Variants in TBXAS1 observed in about 807,000 individuals in gnomAD.
TBXAS1 encodes thromboxane A synthase 1.
In TBXAS1, 48 loss-of-function variants were observed where a neutral mutation model predicts 60.7. The observed-to-expected ratio is 0.79, with a 90% confidence interval of 0.63 to 1.01. The LOEUF (loss-of-function observed/expected upper bound fraction) is 1.01. TBXAS1 is among the 50% of genes least tolerant of loss of function. The pLI is 0.00. For missense variants in TBXAS1, 685 were observed against 686.3 expected (o/e 1.00, Z 0.02); for synonymous variants, 287 against 269.7 (o/e 1.06, Z -0.63).
At chr7:139,784,168 C>T (rs1797101766) in intron 3 of TBXAS1, among the ~76,000 whole-genome samples, 1 of 151,022 alleles carries the variant, frequency 6.6e-6, no homozygotes, top group African/African-American at 2.4e-5. Flanking sequence ...TCCCTCCCTC[C>T]CTCCCTTCTT....
At chr7:139,818,338 A>G (rs1027411489) in intron 4 of TBXAS1, among the ~76,000 whole-genome samples, 1 of 152,134 alleles carries the variant, frequency 6.6e-6, no homozygotes, top group African/African-American at 2.4e-5. Context: ...CAGTACAGAG[A>G]CCACCAGTAC....
intron 4 of TBXAS1, among the ~76,000 whole-genome samples, chr7:139,821,920 C>T (rs950028478): frequency 1.3e-5 from 2 of 152,198 alleles, no homozygotes; most frequent in African/African-American, 2.4e-5. Context: ...TGCTGTACGT[C>T]GTTTCCTGCT....
At chr7:139,915,345 T>C (rs1298013514) in intron 4 of TBXAS1, among the ~76,000 whole-genome samples, 1 of 152,206 alleles carries the variant, frequency 6.6e-6, no homozygotes, top group African/African-American at 2.4e-5. Flanking sequence ...TTCCCTCTAA[T>C]AGGCCATGTT....
chr7:139,920,375 TCTC>T (rs539478237), intron 4 of TBXAS1, among the ~76,000 whole-genome samples: 3 of 152,136 alleles, frequency 2.0e-5, no homozygotes, highest in African/African-American at 4.8e-5. Flanking sequence ...CTGCTCACCT[TCTC>T]CTTCCTGCCT....
chr7:139,945,948 G>A (rs1163531618), intron 5 of TBXAS1, among the ~76,000 whole-genome samples: 1 of 152,212 alleles, frequency 6.6e-6, no homozygotes, highest in African/African-American at 2.4e-5. Context: ...ATTCGTAATG[G>A]ACTTTGGAAG....
At chr7:139,935,033 C>T (rs935026742) in intron 4 of TBXAS1, among the ~76,000 whole-genome samples, 3 of 152,150 alleles carry the variant, frequency 2.0e-5, no homozygotes, top group African/African-American at 7.2e-5. Context: ...AGGCTGGTCT[C>T]GAACTCCTGA....
chr7:139,925,162 T>G (rs1240177372), intron 4 of TBXAS1, among the ~76,000 whole-genome samples: 1 of 152,214 alleles, frequency 6.6e-6, no homozygotes, highest in African/African-American at 2.4e-5. Flanking sequence ...TCCATACATA[T>G]TTTAGGATTG....
At chr7:139,909,964 C>A (rs1046158310) in intron 3 of TBXAS1, among the ~76,000 whole-genome samples, 3 of 152,166 alleles carry the variant, frequency 2.0e-5, no homozygotes, top group African/African-American at 7.2e-5. Flanking sequence ...CTAGCTGATT[C>A]CTCCAGCCAG....
At chr7:139,972,590 C>T (rs1272357115) in intron 9 of TBXAS1, among the ~76,000 whole-genome samples, 5 of 152,086 alleles carry the variant, frequency 3.3e-5, no homozygotes, top group Admixed American at 6.5e-5. Flanking sequence ...TGACCAAAGT[C>T]GCTTTCACAC....
chr7:139,829,259 G>A (rs1392521367), upstream of TBXAS1: 3 of 775,652 alleles, frequency 3.9e-6, no homozygotes, highest in Admixed American at 6.0e-5. Flanking sequence ...ACATTGTGGG[G>A]GCCCACTCCA....
At chr7:139,937,065 T>G (rs553268610) in intron 5 of TBXAS1, among the ~76,000 whole-genome samples, 1 of 152,290 alleles carries the variant, frequency 6.6e-6, no homozygotes, top group African/African-American at 2.4e-5. Flanking sequence ...ACACAACAGA[T>G]CCTGACTGCT....
intron 4 of TBXAS1, among the ~76,000 whole-genome samples, chr7:139,807,081 G>A (rs1277019212): frequency 1.3e-5 from 2 of 152,218 alleles, no homozygotes; most frequent in Non-Finnish European, 2.9e-5. Flanking sequence ...CCACTCTGCA[G>A]TCCAACTGCC....
At chr7:139,906,006 A>T in intron 3 of TBXAS1, 1 of 219,914 alleles carries the variant, frequency 4.5e-6, no homozygotes, top group Non-Finnish European at 9.6e-6. Context: ...GTCCATTTTG[A>T]GTTCATTTTT....
intron 9 of TBXAS1, among the ~76,000 whole-genome samples, chr7:139,996,704 T>C (rs1355199582): frequency 6.6e-6 from 1 of 152,238 alleles, no homozygotes; most frequent in Admixed American, 6.5e-5. Context: ...TTTATGACAG[T>C]GATTCTGAAA....
At chr7:139,857,067 C>T (rs988511458) in intron 1 of TBXAS1, among the ~76,000 whole-genome samples, 2 of 152,162 alleles carry the variant, frequency 1.3e-5, no homozygotes, top group African/African-American at 2.4e-5. Flanking sequence ...CTGGGGACCC[C>T]TTGGCCAAGA....
At chr7:139,942,388 T>C (rs1487140041) in intron 5 of TBXAS1, among the ~76,000 whole-genome samples, 1 of 152,242 alleles carries the variant, frequency 6.6e-6, no homozygotes, top group Non-Finnish European at 1.5e-5. Flanking sequence ...GGTTGTTAAC[T>C]TCCTGGTTGG....
At chr7:139,891,283 G>C (rs2116931909) in intron 3 of TBXAS1, among the ~76,000 whole-genome samples, 1 of 150,986 alleles carries the variant, frequency 6.6e-6, no homozygotes, top group Non-Finnish European at 1.5e-5. Flanking sequence ...GTTCCCTAAG[G>C]CCACTTACAT....
intron 1 of TBXAS1, among the ~76,000 whole-genome samples, chr7:139,853,583 A>T (rs551895852): frequency 2.6e-5 from 4 of 152,062 alleles, no homozygotes; most frequent in African/African-American, 9.6e-5. Flanking sequence ...CCTGGCTCAC[A>T]GGAAGCATCC....
At chr7:139,965,120 A>C (rs1455100894) in intron 9 of TBXAS1, among the ~76,000 whole-genome samples, 5 of 152,182 alleles carry the variant, frequency 3.3e-5, no homozygotes, top group Admixed American at 3.3e-4. Context: ...CGGGAGGCTG[A>C]GGCAGGAGAA....
Sources: allele counts gnomAD v4.1 joint callset (sites outside exome capture counted in the v4.1 genomes callset), GRCh38; gene constraint gnomAD v4.1.1; transcripts MANE v1.5; gene names NCBI Gene and HGNC (gene_info 2026-07-23, HGNC 2026-07-21).